The following STAU1 variants were observed in gnomAD, a reference collection of about 807,000 sequenced individuals.
The protein encoded by STAU1 is staufen double-stranded RNA binding protein 1.
In STAU1, 13 loss-of-function variants were observed where a neutral mutation model predicts 62.9. The ratio of observed to expected loss-of-function variants is 0.21; its 90% CI spans 0.13 to 0.33. The LOEUF is 0.33. Among genes scored for constraint, STAU1 ranks in the 10% least tolerant of loss-of-function variants. STAU1 has a pLI of 1.00. For missense variants in STAU1, 571 were observed against 712.1 expected (o/e 0.80, Z 2.25); for synonymous variants, 269 against 265.1 (o/e 1.01, Z -0.14).
At chr20:49,123,036 C>T (rs979904017) in intron 8 of STAU1, 56 bp downstream of exon 8, 1 of 1,504,744 alleles carries the variant, frequency 6.6e-7, no homozygotes, top group Non-Finnish European at 8.9e-7. Context: ...CCGCCATCAG[C>T]CCCCAAGGCT....
chr20:49,126,879 A>G (rs2092639996), intron 6 of STAU1, among the ~76,000 whole-genome samples: 1 of 152,074 alleles, frequency 6.6e-6, no homozygotes, highest in Admixed American at 6.5e-5. Flanking sequence ...GGGGAAGAAA[A>G]AAAAATCAAA....
At chr20:49,138,901 T>G (rs1600694592) in intron 5 of STAU1, among the ~76,000 whole-genome samples, 1 of 152,176 alleles carries the variant, frequency 6.6e-6, no homozygotes, top group Non-Finnish European at 1.5e-5. Flanking sequence ...CCTTAAAGGC[T>G]GGAGTTCTAC....
intron 6 of STAU1, chr20:49,134,813 C>T (rs1350724735): frequency 7.1e-7 from 1 of 1,399,342 alleles, no homozygotes; most frequent in African/African-American, 1.4e-5. Context: ...GCCTGGTTTT[C>T]CACTTCACGC....
chr20:49,158,810 TA>T, intron 3 of STAU1: 52 of 577,032 alleles, frequency 9.0e-5, no homozygotes, highest in Non-Finnish European at 1.1e-4. Flanking sequence ...CATTTCAAAA[TA>T]AAAAAAAGCC....
rs369640813 is a variant in STAU1, at chr20:49,117,751, C to T, written c.1509+26G>A. On this transcript the variant is annotated intron_variant, in intron 11 of 13. Transcript: ENST00000371856. This position sits in a 1 kb window ranked among gnomAD's most constrained non-coding sequence, Gnocchi z 4.6. ...AAAGATGACTGTCCTGAGGCACAGC[C>T]ATCACAGCTCAGGCCAGACAGTTAC... The T allele has an allele frequency of 6.8e-5, 108 of 1,577,438 alleles. No homozygotes were observed. The highest frequency in any genetic ancestry group is 2.8e-4 in the South Asian group (24 of 87,266).
intron 5 of STAU1, among the ~76,000 whole-genome samples, chr20:49,143,971 T>A (rs1443053060): frequency 1.3e-5 from 2 of 152,252 alleles, no homozygotes; most frequent in Non-Finnish European, 2.9e-5. Flanking sequence ...CAACAGGTTC[T>A]AACTTAACAG....
chr20:49,173,452 A>G (rs1474957906), intron 2 of STAU1, among the ~76,000 whole-genome samples: 1 of 152,218 alleles, frequency 6.6e-6, no homozygotes, highest in Non-Finnish European at 1.5e-5. Flanking sequence ...ACTCCGTTTC[A>G]GAAAGAAAGA....
intron 5 of STAU1, among the ~76,000 whole-genome samples, chr20:49,142,598 T>C (rs540087648): frequency 1.3e-5 from 2 of 152,254 alleles, no homozygotes; most frequent in East Asian, 3.9e-4. Flanking sequence ...TCCAGACAAC[T>C]GAACTCAAAT....
chr20:49,204,483 C>T, the STAU1 span, among the ~76,000 whole-genome samples: 1 of 149,578 alleles, frequency 6.7e-6, no homozygotes, highest in Non-Finnish European at 1.5e-5. Context: ...TTTATATTTA[C>T]CCAGGCTCGT....
rs1737188679 is a variant in STAU1 at position 49,174,464 on chromosome 20, A to G, written c.-159-195T>C. Among the ~76,000 whole-genome samples the G allele has an allele frequency of 3.9e-5, 6 of 152,336 alleles. No individual in the cohort carries two copies. The South Asian group carries it at 1.2e-3, about 32-fold the overall frequency. On this transcript the variant is annotated intron_variant, in intron 1 of 13. Transcript: ENST00000371856. Reference sequence around the variant, plus strand: ...CCAGACATGGTGGCTCATGGCCTGTAATCCCAACACTTTGGGAGGCCGAGG... The same window carrying G: ...CCAGACATGGTGGCTCATGGCCTGTGATCCCAACACTTTGGGAGGCCGAGG...
At chr20:49,180,567 G>A (rs1382822647) in intron 1 of STAU1, among the ~76,000 whole-genome samples, 2 of 152,252 alleles carry the variant, frequency 1.3e-5, no homozygotes, top group African/African-American at 2.4e-5. Flanking sequence ...CAGGTGATGC[G>A]CCTGCCTTGG....
At chr20:49,197,401 CTTTTCT>C in the STAU1 span, among the ~76,000 whole-genome samples, 1 of 126,154 alleles carries the variant, frequency 7.9e-6, no homozygotes, top group Non-Finnish European at 1.6e-5. Context: ...TTTTCTTTTT[CTTTTCT>C]TTTTTTTTTT....
the STAU1 span, among the ~76,000 whole-genome samples, chr20:49,195,939 A>G: frequency 1.6e-5 from 2 of 127,504 alleles, no homozygotes; most frequent in African/African-American, 5.2e-5. Context: ...AAAAAAAAAC[A>G]AAGAAACAAC....
chr20:49,170,303 A>T (rs2093580768), intron 2 of STAU1, among the ~76,000 whole-genome samples: 1 of 152,236 alleles, frequency 6.6e-6, no homozygotes, highest in African/African-American at 2.4e-5. Context: ...TCCACTTTCA[A>T]CTTACAGACT....
chr20:49,162,713 T>C (rs941073931), intron 3 of STAU1, among the ~76,000 whole-genome samples: 1 of 150,848 alleles, frequency 6.6e-6, no homozygotes, highest in African/African-American at 2.4e-5. Flanking sequence ...GAGGCAGAGC[T>C]TGCAGTGAGC....
At chr20:49,202,817 G>GCC in the STAU1 span, among the ~76,000 whole-genome samples, 3 of 151,924 alleles carry the variant, frequency 2.0e-5, no homozygotes. Flanking sequence ...GAGGTGGGTG[G>GCC]ATCACTTGAG....
rs527728316 is a variant in STAU1, at chr20:49,147,637, CTT to C, written c.510+3943_510+3944del. ...CCACTTCTAGGACCGTGGACAAAGA[CTT>C]TAACTGCAACGATGTTCTTCCCGAC... On this transcript the variant is annotated intron_variant, in intron 5 of 13. Transcript: ENST00000371856. Among the ~76,000 whole-genome samples, 5 of 152,278 alleles carry C rather than the reference CTT, an allele frequency of 3.3e-5. No individual in the cohort carries two copies. The South Asian group carries it at 8.3e-4, about 25-fold the overall frequency.
chr20:49,174,672 G>A (rs546499409), intron 1 of STAU1, among the ~76,000 whole-genome samples: 15 of 151,338 alleles, frequency 9.9e-5, no homozygotes, highest in Non-Finnish European at 1.5e-4. Context: ...GCATGGTGGC[G>A]CACGCCTGTA....
chr20:49,188,007 G>GCCC (rs1321696604), intron 1 of STAU1, 109 bp downstream of exon 1: 1 of 151,460 alleles, frequency 6.6e-6, no homozygotes, highest in Non-Finnish European at 1.5e-5. Flanking sequence ...GGAGAAGGCG[G>GCCC]AGGGGTGCGC....
Sources: gnomAD v4.1 joint callset for allele counts (sites outside exome capture counted in the v4.1 genomes callset) on GRCh38, gnomAD v4.1.1 for gene constraint, Gnocchi (gnomAD v3.1) non-coding constraint, MANE v1.5 for transcripts, NCBI Gene and HGNC (gene_info 2026-07-23, HGNC 2026-07-21) for gene names.